Variants in CDH13 observed in about 807,000 individuals in gnomAD.
CDH13 encodes the protein cadherin-13.
Under a neutral mutation model 63.8 loss-of-function variants are expected in CDH13, and 24 were observed. The observed-to-expected ratio is 0.38, with a 90% CI of 0.27 to 0.53. The LOEUF is 0.53. Ranked by LOEUF, CDH13 falls within the 20% of genes least tolerant of loss-of-function variation. The pLI is 0.85. For synonymous variants in CDH13, 503 were observed against 355.3 expected (o/e 1.42, Z -4.67); for missense variants, 1,049 against 903.1 (o/e 1.16, Z -2.07).
chr16:83,261,386 T>G (rs1338764158), intron 5 of CDH13, among the ~76,000 whole-genome samples: 1 of 152,208 alleles, frequency 6.6e-6, no homozygotes, highest in African/African-American at 2.4e-5. Context: ...AGTGTCTGGA[T>G]GAATTTTTGG....
chr16:83,791,562 C>T (rs975479484), intron 13 of CDH13, among the ~76,000 whole-genome samples: 33 of 152,020 alleles, frequency 2.2e-4, no homozygotes, highest in African/African-American at 7.7e-4. Context: ...CCTGTAATCC[C>T]AGCACTTTGG....
At chr16:83,551,683 C>A (rs1293913060) in intron 7 of CDH13, among the ~76,000 whole-genome samples, 4 of 152,122 alleles carry the variant, frequency 2.6e-5, no homozygotes, top group African/African-American at 9.7e-5. Flanking sequence ...ATCTGGGGAC[C>A]TTTTTCTGAT....
chr16:83,184,522 A>T (rs1026320322), intron 4 of CDH13, among the ~76,000 whole-genome samples: 1 of 152,102 alleles, frequency 6.6e-6, no homozygotes, highest in Non-Finnish European at 1.5e-5. Flanking sequence ...TGGGAGGCTG[A>T]GGTGGGTGGA....
In CDH13 at chr16:82,882,846, C is replaced by T. The variant is rs539783888; in HGVS notation, c.157+24373C>T. Among the ~76,000 whole-genome samples the T allele has an allele frequency of 4.6e-4, 70 of 152,140 alleles. 1 individual carries two copies. The highest frequency in any genetic ancestry group is 1.6e-3 in the African/African-American group (65 of 41,488). On this transcript the variant is annotated intron_variant, in intron 2 of 13. Transcript: ENST00000567109. The stretch of plus-strand genomic sequence containing the variant: ...TCTGATGTGGATCATGCCTATTCTC[C>T]TTCTTGGGATATTAGGAGAAAAAAA...
At chr16:82,636,853 C>A (rs1908716680) in intron 1 of CDH13, among the ~76,000 whole-genome samples, 1 of 152,170 alleles carries the variant, frequency 6.6e-6, no homozygotes, top group Admixed American at 6.5e-5. Context: ...ATCTGCCAAC[C>A]TGAGAGTTTC....
chr16:83,739,158 C>T (rs1911820707), intron 10 of CDH13, among the ~76,000 whole-genome samples: 2 of 152,168 alleles, frequency 1.3e-5, no homozygotes, highest in Non-Finnish European at 2.9e-5. Context: ...ACCTAAACTG[C>T]TTGCGCGAAC....
At chr16:83,692,964 T>C (rs1369457312) in intron 10 of CDH13, among the ~76,000 whole-genome samples, 4 of 152,132 alleles carry the variant, frequency 2.6e-5, no homozygotes, top group Non-Finnish European at 4.4e-5. Flanking sequence ...GCACCTGTAA[T>C]CCCAGCTACT....
At position 82,799,966 on chromosome 16, in the gene CDH13, G is replaced by C. The variant is rs545918898; in HGVS notation, c.46-58396G>C. ...ACCACTGCGTTATCATGATAAGCTG[G>C]TACAAGCAGAGAGGATCTATTTTCT... is the stretch of plus-strand genomic sequence containing the variant. On this transcript the variant is annotated intron_variant, in intron 1 of 13. Coordinates refer to ENST00000567109, the MANE Select transcript of CDH13 (RefSeq NM_001257.5). 4.7e-4 allele frequency among the ~76,000 whole-genome samples: 72 copies of C among 152,278 alleles called. 2 individuals carry two copies. In the South Asian group the frequency reaches 0.014, roughly 30 times the overall value.
intron 1 of CDH13, among the ~76,000 whole-genome samples, chr16:82,707,331 A>G (rs986689580): frequency 2.0e-5 from 3 of 152,200 alleles, no homozygotes; most frequent in African/African-American, 4.8e-5. Context: ...GGGAAGAGAT[A>G]GGGGTAGACA....
chr16:83,021,127 T>A (rs116971320), intron 2 of CDH13, among the ~76,000 whole-genome samples: 2 of 152,166 alleles, frequency 1.3e-5, no homozygotes, highest in Non-Finnish European at 2.9e-5. Flanking sequence ...GAATCCATGA[T>A]TTTTCTTTCG....
rs879498816 is a variant in CDH13 at position 82,889,814 on chromosome 16, A to G, written c.157+31341A>G. Reference sequence around the variant, plus strand: ...CTTTCAAATTCAAAGAAAGAAAACAACTAAAATACGTAAGTCTAAAGGGCA... The same window carrying G: ...CTTTCAAATTCAAAGAAAGAAAACAGCTAAAATACGTAAGTCTAAAGGGCA... On this transcript the variant is annotated intron_variant, in intron 2 of 13. Transcript: ENST00000567109. Among the ~76,000 whole-genome samples the G allele has an allele frequency of 4.6e-5, 7 of 152,358 alleles. No individual in the cohort carries two copies. In the East Asian group the frequency reaches 1.2e-3, roughly 25 times the overall value.
chr16:83,414,833 T>C (rs2151461962), intron 6 of CDH13, among the ~76,000 whole-genome samples: 1 of 152,326 alleles, frequency 6.6e-6, no homozygotes, highest in East Asian at 1.9e-4. Flanking sequence ...ATTTAGGTTG[T>C]TTGTACCTCT....
chr16:83,223,384 G>T (rs1443366775), intron 5 of CDH13, among the ~76,000 whole-genome samples: 3 of 152,318 alleles, frequency 2.0e-5, no homozygotes, highest in Admixed American at 2.0e-4. Flanking sequence ...TACCCATGAG[G>T]GTGGAACACG....
chr16:83,664,542 TTA>T (rs1257207837), intron 8 of CDH13, among the ~76,000 whole-genome samples: 1 of 142,148 alleles, frequency 7.0e-6, no homozygotes, highest in Non-Finnish European at 1.5e-5. Flanking sequence ...ATATTTCATA[TTA>T]TATATGTGTG....
intron 3 of CDH13, among the ~76,000 whole-genome samples, chr16:83,032,957 A>G (rs573998545): frequency 3.3e-5 from 5 of 152,182 alleles, no homozygotes; most frequent in Admixed American, 3.3e-4. Flanking sequence ...TATACGGTGT[A>G]TGTGTATGTG....
chr16:83,150,455 C>G (rs11865072), intron 4 of CDH13, among the ~76,000 whole-genome samples: 23 of 152,162 alleles, frequency 1.5e-4, no homozygotes, highest in Middle Eastern at 3.4e-3. Context: ...TTATGCTGCT[C>G]CCCATAAGAC....
At position 82,830,718 on chromosome 16, in the gene CDH13, CAT is replaced by C. The variant is rs1260117850; in HGVS notation, c.46-27643_46-27642del. Among the ~76,000 whole-genome samples, 5 of 152,308 alleles carry C rather than the reference CAT, an allele frequency of 3.3e-5. No individual in the cohort carries two copies. The East Asian group carries it at 5.8e-4, about 18-fold the overall frequency. On this transcript the variant is annotated intron_variant, in intron 1 of 13. Transcript: ENST00000567109. ...CTAGCGCTTCATAGCTGTATTGACA[CAT>C]GTTTGTTGAATAGACCAATACCTTG... is the stretch of plus-strand genomic sequence containing the variant.
chr16:83,534,504 C>G (rs2075146015), intron 7 of CDH13, among the ~76,000 whole-genome samples: 1 of 152,242 alleles, frequency 6.6e-6, no homozygotes, highest in Non-Finnish European at 1.5e-5. Flanking sequence ...ACCTCCTCTT[C>G]CTGGCTAGCA....
chr16:82,788,232 G>T (rs1050900434), intron 1 of CDH13, among the ~76,000 whole-genome samples: 1 of 152,162 alleles, frequency 6.6e-6, no homozygotes, highest in African/African-American at 2.4e-5. Flanking sequence ...TGTATATTTT[G>T]TTCTCAAATC....
Sources: allele counts gnomAD v4.1 joint callset (sites outside exome capture counted in the v4.1 genomes callset), GRCh38; gene constraint gnomAD v4.1.1; transcripts MANE v1.5; gene names NCBI Gene and HGNC (gene_info 2026-07-23, HGNC 2026-07-21).